TENM3: variants seen among roughly 807,000 people sequenced by gnomAD.
TENM3 encodes the protein teneurin-3.
In TENM3, 63 loss-of-function variants were observed where a neutral mutation model predicts 255.1. That is an observed-to-expected ratio of 0.25 (90% CI 0.20 to 0.30). TENM3 has a LOEUF of 0.30. Ranked by LOEUF, TENM3 falls within the 10% of genes least tolerant of loss-of-function variation. The pLI, the probability that TENM3 is intolerant of heterozygous loss-of-function variation, is 1.00. For missense variants in TENM3, 2,929 were observed against 3,461.1 expected (o/e 0.85, Z 3.86); for synonymous variants, 1,306 against 1,322.3 (o/e 0.99, Z 0.27).
At chr4:182,693,965 CA>C (rs1757196403) in intron 12 of TENM3, among the ~76,000 whole-genome samples, 1 of 152,096 alleles carries the variant, frequency 6.6e-6, no homozygotes, top group African/African-American at 2.4e-5. Flanking sequence ...AACTCCTGTC[CA>C]GGACATTTAC....
At chr4:181,667,892 C>T in the TENM3 span, among the ~76,000 whole-genome samples, 2 of 152,028 alleles carry the variant, frequency 1.3e-5, no homozygotes, top group East Asian at 1.9e-4. Flanking sequence ...ACCACTTGTC[C>T]TCTGTTCACT....
At chr4:181,520,117 A>T in the TENM3 span, among the ~76,000 whole-genome samples, 24 of 152,184 alleles carry the variant, frequency 1.6e-4, no homozygotes, top group Non-Finnish European at 3.2e-4. Flanking sequence ...CAAAGCCCCA[A>T]ATCCTCTACT....
At chr4:182,278,071 A>G (rs1486011349) in intron 1 of TENM3, among the ~76,000 whole-genome samples, 2 of 152,176 alleles carry the variant, frequency 1.3e-5, no homozygotes. Context: ...ACTGCCAATA[A>G]CAAACGTACT....
chr4:182,610,678 C>T (rs72701973), intron 4 of TENM3, among the ~76,000 whole-genome samples: 30,469 of 151,668 alleles, frequency 0.2, 3,671 homozygotes, highest in Non-Finnish European at 0.27. Flanking sequence ...GTGAGACCCT[C>T]TCTCTATTTT....
the TENM3 span, among the ~76,000 whole-genome samples, chr4:181,873,216 T>C: frequency 6.6e-6 from 1 of 151,992 alleles, no homozygotes; most frequent in Non-Finnish European, 1.5e-5. Context: ...TACGGAGGCA[T>C]GCCAACACAC....
rs574357003 is a variant in TENM3, at chr4:182,299,394, C to T, written c.-75-24552C>T. 1.1e-4 allele frequency among the ~76,000 whole-genome samples: 16 copies of T among 152,216 alleles called. No homozygotes were observed. The South Asian group carries it at 3.1e-3, about 30-fold the overall frequency. ...AGCAAGTGGGGAAAGGAAAAGGAAG[C>T]CTGTGCTCCTCTAATGGAAGAATAT... On this transcript the variant is annotated intron_variant, in intron 1 of 27. Transcript: ENST00000511685.
chr4:182,426,688 T>C (rs1336269544), intron 3 of TENM3, among the ~76,000 whole-genome samples: 1 of 152,190 alleles, frequency 6.6e-6, no homozygotes, highest in Non-Finnish European at 1.5e-5. Context: ...GCCCAGATCA[T>C]TTCCTTTAGC....
chr4:182,553,879 A>G (rs1288451340), intron 3 of TENM3, among the ~76,000 whole-genome samples: 1 of 152,182 alleles, frequency 6.6e-6, no homozygotes, highest in Non-Finnish European at 1.5e-5. Flanking sequence ...TTCTCAAAGC[A>G]CAAGACCCCT....
chr4:182,427,872 C>T (rs1293476443), intron 3 of TENM3, among the ~76,000 whole-genome samples: 1 of 151,646 alleles, frequency 6.6e-6, no homozygotes. Flanking sequence ...AAACATGTTG[C>T]ATCCATTACT....
the TENM3 span, among the ~76,000 whole-genome samples, chr4:181,944,803 G>C: frequency 3.9e-5 from 6 of 152,002 alleles, no homozygotes; most frequent in Non-Finnish European, 8.8e-5. Context: ...TCCCCAGGCA[G>C]GACAGACACC....
chr4:182,441,058 C>CT (rs1236249997), intron 3 of TENM3, among the ~76,000 whole-genome samples: 1 of 151,606 alleles, frequency 6.6e-6, no homozygotes, highest in East Asian at 1.9e-4. Context: ...CACGGAAGGG[C>CT]TTTTTTTTAA....
chr4:182,547,734 ACTAT>A (rs1333212298), intron 3 of TENM3, among the ~76,000 whole-genome samples: 3 of 152,176 alleles, frequency 2.0e-5, no homozygotes, highest in Non-Finnish European at 4.4e-5. Context: ...GTTTGACTAA[ACTAT>A]CTTTTTGTGT....
At chr4:182,234,076 G>C (rs974732527) in intron 1 of TENM3, among the ~76,000 whole-genome samples, 1 of 152,184 alleles carries the variant, frequency 6.6e-6, no homozygotes, top group African/African-American at 2.4e-5. Flanking sequence ...GGTTTAGGGT[G>C]TCTGACAAAT....
chr4:182,077,164 G>T, the TENM3 span, among the ~76,000 whole-genome samples: 7 of 152,126 alleles, frequency 4.6e-5, no homozygotes, highest in Non-Finnish European at 7.3e-5. Flanking sequence ...ATGAATTAGG[G>T]TTGATCTATA....
the TENM3 span, among the ~76,000 whole-genome samples, chr4:181,573,832 A>G: frequency 1.3e-5 from 2 of 152,168 alleles, no homozygotes; most frequent in African/African-American, 4.8e-5. Context: ...CACACCCTCT[A>G]TGTGCTGAGC....
At chr4:182,159,715 C>G (rs12331489) in intron 1 of TENM3, among the ~76,000 whole-genome samples, 42,657 of 151,972 alleles carry the variant, frequency 0.28, 6,507 homozygotes, top group Admixed American at 0.37. Context: ...AGAGGCTGTT[C>G]CAGTCCGGCC....
chr4:181,525,023 T>C, the TENM3 span, among the ~76,000 whole-genome samples: 1 of 152,210 alleles, frequency 6.6e-6, no homozygotes, highest in Non-Finnish European at 1.5e-5. Context: ...CATTTATGGT[T>C]CAAACATGAA....
chr4:182,225,290 G>A (rs140296985), intron 1 of TENM3, among the ~76,000 whole-genome samples: 2 of 152,276 alleles, frequency 1.3e-5, no homozygotes, highest in African/African-American at 4.8e-5. Context: ...TCCCTGAGAA[G>A]AGATCTTATC....
chr4:182,793,117 T>C lies in TENM3; in HGVS notation c.6445T>C (p.Trp2149Arg). Residue 2149 changes from tryptophan to arginine, a missense_variant, in exon 26 of 28, where the codon TGG becomes CGG. Physicochemically the swap from Trp to Arg is moderately radical, Grantham distance 101. Around this residue, in one of 6 missense-constraint regions of TENM3, gnomAD observed 256 missense variants for 389.3 expected, o/e 0.66. Coordinates refer to ENST00000511685, the MANE Select transcript of TENM3 (RefSeq NM_001080477.4). The surrounding 1 kb of genome is among the most constrained non-coding windows in gnomAD (Gnocchi z 5.7). ...AGTTTACCTCAATGAAAAGATAATGTGGCGGTACAACTACGATCTGAATGG... is the reference window on the plus strand; with the variant it reads ...AGTTTACCTCAATGAAAAGATAATGCGGCGGTACAACTACGATCTGAATGG... Reference protein sequence around the residue: ...QTVYLNEKIMWRYNYDLNGNL... With the variant: ...QTVYLNEKIMRRYNYDLNGNL... 6.2e-7 allele frequency: 1 copy of C among 1,613,974 alleles called. No individual in the cohort carries two copies. Among genetic ancestry groups the C allele is most frequent in the East Asian group, 2.2e-5 (1 of 44,872 alleles).
Sources: gnomAD v4.1 joint callset for allele counts (sites outside exome capture counted in the v4.1 genomes callset) on GRCh38, gnomAD v4.1.1 for gene constraint, gnomAD v4.1.1 regional missense constraint, Gnocchi (gnomAD v3.1) non-coding constraint, MANE v1.5 for transcripts, NCBI Gene and HGNC (gene_info 2026-07-23, HGNC 2026-07-21) for gene names.